Variants in BCL7C observed in about 807,000 individuals in gnomAD.
The protein encoded by BCL7C is BAF chromatin remodeling complex subunit BCL7C, also known as B-cell CLL/lymphoma 7 protein family member C.
A neutral mutation model predicts 26.2 loss-of-function variants in BCL7C; 8 were observed. That is an observed-to-expected ratio of 0.30 (90% CI 0.18 to 0.55). The LOEUF is 0.55. BCL7C is among the 20% of genes least tolerant of loss of function. The pLI is 0.93. For missense variants in BCL7C, 262 were observed against 298.5 expected (o/e 0.88, Z 0.90); for synonymous variants, 90 against 116.5 (o/e 0.77, Z 1.47).
At chr16:30,845,339 A>G (rs1294217596) in intron 5 of BCL7C, among the ~76,000 whole-genome samples, 1 of 152,194 alleles carries the variant, frequency 6.6e-6, no homozygotes, top group African/African-American at 2.4e-5. Context: ...CTGTATGGGT[A>G]GAGCTTCCTC....
At chr16:30,861,091 G>C (rs748577798) in intron 5 of BCL7C, among the ~76,000 whole-genome samples, 1 of 152,016 alleles carries the variant, frequency 6.6e-6, no homozygotes, top group African/African-American at 2.4e-5. Flanking sequence ...ATCAGTTAGC[G>C]TTTAGGCTCT....
chr16:30,877,092 G>A (rs372673380), intron 5 of BCL7C, among the ~76,000 whole-genome samples: 1 of 152,248 alleles, frequency 6.6e-6, no homozygotes, highest in African/African-American at 2.4e-5. Flanking sequence ...AAGGAGGAGA[G>A]TGGAACACCA....
At chr16:30,849,145 C>T (rs1335199334) in intron 5 of BCL7C, among the ~76,000 whole-genome samples, 2 of 151,484 alleles carry the variant, frequency 1.3e-5, no homozygotes, top group Non-Finnish European at 2.9e-5. Flanking sequence ...CGAGATTGAG[C>T]CACTGCACTC....
At chr16:30,887,583 G>T (rs1468084181), downstream of BCL7C, among the ~76,000 whole-genome samples, 1 of 151,976 alleles carries the variant, frequency 6.6e-6, no homozygotes, top group Non-Finnish European at 1.5e-5. Flanking sequence ...GGGCCTCCCA[G>T]AGGAGGAGGT....
chr16:30,840,748 G>A (rs762342405), intron 5 of BCL7C: 8 of 152,170 alleles, frequency 5.3e-5, no homozygotes, highest in Non-Finnish European at 8.8e-5. Context: ...TGGCGGAAGG[G>A]GAAGCAAACA....
chr16:30,852,564 T>C (rs1021606578), intron 5 of BCL7C, among the ~76,000 whole-genome samples: 5 of 150,824 alleles, frequency 3.3e-5, no homozygotes. Flanking sequence ...TGATCTCGGC[T>C]CACGGCAACC....
rs557869877 is a variant in BCL7C at position 30,893,884 on chromosome 16, C to A, written c.61G>T (p.Val21Leu). The change falls in exon 1 of 6, where the codon GTG becomes TTG. Residue 21 changes from valine (V) to leucine (L), a missense_variant. By Grantham distance (32) the Val-to-Leu change is conservative (BLOSUM62 1). Transcript: ENST00000215115. This position sits in a 1 kb window ranked among gnomAD's most constrained non-coding sequence, Gnocchi z 5.2. ...RSRAKDDIKK[V>L]MATIEKVRRW... is the part of the protein sequence containing the mutation. ...CGGACCTTCTCGATGGTCGCCATCA[C>A]CTTCTTGATGTCATCCTTGGCCCGG... 3.7e-6 allele frequency: 6 copies of A among 1,600,768 alleles called. No homozygotes were observed. The African/African-American group carries it at 6.7e-5, about 18-fold the overall frequency.
Position 30,879,765 on chromosome 16 carries a change from G to A in BCL7C, c.528+9095C>T, listed in dbSNP as rs910363393. Among the ~76,000 whole-genome samples the A allele has an allele frequency of 6.0e-5, 9 of 150,068 alleles. 1 individual carries two copies. The highest frequency in any genetic ancestry group is 4.0e-4 in the Admixed American group (6 of 14,882). On this transcript the variant is annotated intron_variant, in intron 5 of 5. Coordinates refer to the BCL7C transcript ENST00000380317. ...AGCACTTTGGGAGGCTGAGGCGGGC[G>A]GATCACGAGGTCAGGAGATCGAGAC...
chr16:30,843,168 C>G (rs189676246), intron 5 of BCL7C, among the ~76,000 whole-genome samples: 1 of 152,152 alleles, frequency 6.6e-6, no homozygotes, highest in African/African-American at 2.4e-5. Context: ...CCGGCCACTG[C>G]GAGGCCATGA....
At chr16:30,853,814 AC>A (rs1488808465) in intron 5 of BCL7C, among the ~76,000 whole-genome samples, 1 of 152,118 alleles carries the variant, frequency 6.6e-6, no homozygotes, top group Non-Finnish European at 1.5e-5. Flanking sequence ...CTCAAGAATT[AC>A]CTCTAGGCGC....
At chr16:30,853,022 G>A (rs2054690053) in intron 5 of BCL7C, among the ~76,000 whole-genome samples, 1 of 151,640 alleles carries the variant, frequency 6.6e-6, no homozygotes. Context: ...CGCACCCTCC[G>A]CCTCCTGTGT....
intron 5 of BCL7C, among the ~76,000 whole-genome samples, chr16:30,880,505 C>G (rs971033976): frequency 1.3e-5 from 2 of 149,592 alleles, no homozygotes; most frequent in East Asian, 3.9e-4. Flanking sequence ...TGAGACCATC[C>G]TGGCTAACAT....
chr16:30,884,042 GT>G (rs1428262666), downstream of BCL7C, among the ~76,000 whole-genome samples: 1 of 150,908 alleles, frequency 6.6e-6, no homozygotes, highest in Admixed American at 6.6e-5. Context: ...GGAGAATGGC[GT>G]GAACCTGGGA....
chr16:30,857,946 G>T (rs1334713843), intron 5 of BCL7C, among the ~76,000 whole-genome samples: 1 of 141,780 alleles, frequency 7.1e-6, no homozygotes, highest in African/African-American at 2.7e-5. Flanking sequence ...ATTCCAGCCT[G>T]AGTGACAAGA....
At chr16:30,867,604 C>T (rs1345912649) in intron 5 of BCL7C, among the ~76,000 whole-genome samples, 1 of 152,028 alleles carries the variant, frequency 6.6e-6, no homozygotes, top group Non-Finnish European at 1.5e-5. Context: ...ACCAGCCTGG[C>T]CAACATGGTG....
intron 5 of BCL7C, among the ~76,000 whole-genome samples, chr16:30,836,116 G>A (rs180790777): frequency 1.3e-5 from 2 of 152,198 alleles, no homozygotes; most frequent in Non-Finnish European, 2.9e-5. Flanking sequence ...AGCTGGGCAT[G>A]GTGGTGTGAC....
downstream of BCL7C, among the ~76,000 whole-genome samples, chr16:30,883,646 A>T (rs2055078296): frequency 7.2e-6 from 1 of 139,676 alleles, no homozygotes. Flanking sequence ...CCTCCTGAGT[A>T]GCTGGGACTA....
At chr16:30,856,949 A>G (rs2054727719) in intron 5 of BCL7C, among the ~76,000 whole-genome samples, 1 of 152,110 alleles carries the variant, frequency 6.6e-6, no homozygotes, top group South Asian at 2.1e-4. Flanking sequence ...TTTTTTTGTC[A>G]GCCTCTTATA....
At position 30,844,211 on chromosome 16, in the gene BCL7C, G is replaced by A. The variant is rs762884548; in HGVS notation, c.529-9063C>T. Among the ~76,000 whole-genome samples, 148 of 151,326 alleles carry A rather than the reference G, an allele frequency of 9.8e-4. 1 individual carries two copies. Among genetic ancestry groups the A allele is most frequent in the Non-Finnish European group, 1.6e-3 (111 of 67,810 alleles). On this transcript the variant is annotated intron_variant, in intron 5 of 5. Transcript: ENST00000380317. ...CTAAAAATACCAAAATTAGCTGGGC[G>A]TGGTGGTGCGCACCTGTAGTCCCAG...
Sources: allele counts gnomAD v4.1 joint callset (sites outside exome capture counted in the v4.1 genomes callset), GRCh38; gene constraint gnomAD v4.1.1; non-coding constraint Gnocchi (gnomAD v3.1); transcripts MANE v1.5; gene names NCBI Gene and HGNC (gene_info 2026-07-23, HGNC 2026-07-21).